The following PTPRN2 variants were observed in gnomAD, a reference collection of about 807,000 sequenced individuals.
The protein encoded by PTPRN2 is receptor-type tyrosine-protein phosphatase N2.
Under a neutral mutation model 118.8 loss-of-function variants are expected in PTPRN2, and 74 were observed. That is an observed-to-expected ratio of 0.62 (90% CI 0.52 to 0.76). The LOEUF is 0.76. PTPRN2 is among the 30% of genes least tolerant of loss of function. PTPRN2 has a pLI of 0.00. For missense variants in PTPRN2, 1,481 were observed against 1,394.4 expected, an observed-to-expected ratio of 1.06 and a Z score of -0.99; for synonymous variants, 641 against 608.0, an observed-to-expected ratio of 1.05 and a Z score of -0.80.
At chr7:158,154,676 G>A (rs1202478900) in intron 6 of PTPRN2, among the ~76,000 whole-genome samples, 1 of 152,136 alleles carries the variant, frequency 6.6e-6, no homozygotes, top group South Asian at 2.1e-4. Flanking sequence ...GAATAATAAA[G>A]TACAATTCCA....
At chr7:157,738,960 T>G (rs1445027861) in intron 12 of PTPRN2, 1 of 152,184 alleles carries the variant, frequency 6.6e-6, no homozygotes, top group African/African-American at 2.4e-5. Flanking sequence ...CCTGGAAGGA[T>G]TTGATTTTAA....
At chr7:158,156,096 G>A (rs1374398574) in intron 6 of PTPRN2, among the ~76,000 whole-genome samples, 1 of 152,176 alleles carries the variant, frequency 6.6e-6, no homozygotes, top group African/African-American at 2.4e-5. Flanking sequence ...CAGCTGAGTA[G>A]TGTGCATCTC....
chr7:157,850,642 C>T (rs1679726512), intron 12 of PTPRN2, among the ~76,000 whole-genome samples: 2 of 152,186 alleles, frequency 1.3e-5, no homozygotes, highest in Admixed American at 6.5e-5. Context: ...TGTTTTGAGG[C>T]CAGGGGGTGG....
intron 11 of PTPRN2, among the ~76,000 whole-genome samples, chr7:158,000,313 G>T (rs951236677): frequency 1.3e-5 from 2 of 152,094 alleles, no homozygotes; most frequent in Non-Finnish European, 2.9e-5. Context: ...AGGTTAAAGT[G>T]ATCACTTCAA....
intron 2 of PTPRN2, among the ~76,000 whole-genome samples, chr7:158,424,711 G>A (rs1178628463): frequency 6.6e-6 from 1 of 152,264 alleles, no homozygotes; most frequent in South Asian, 2.1e-4. Context: ...TGGCCCCAGT[G>A]GCCATGCATG....
intron 9 of PTPRN2, among the ~76,000 whole-genome samples, chr7:158,130,922 TAC>T (rs1818175013): frequency 7.0e-6 from 1 of 143,066 alleles, no homozygotes; most frequent in South Asian, 2.2e-4. Context: ...CACACACTCA[TAC>T]ACACACATGC....
At chr7:158,188,218 T>A (rs1247067156) in intron 5 of PTPRN2, among the ~76,000 whole-genome samples, 2 of 41,194 alleles carry the variant, frequency 4.9e-5, no homozygotes, top group Admixed American at 2.9e-4. Flanking sequence ...CGCCGCCTGA[T>A]GGGGAAGGCC....
intron 12 of PTPRN2, among the ~76,000 whole-genome samples, chr7:157,892,980 T>G (rs1371374624): frequency 6.6e-6 from 1 of 152,240 alleles, no homozygotes; most frequent in African/African-American, 2.4e-5. Context: ...ATGCTGGGCT[T>G]GAGGGCCCTC....
intron 12 of PTPRN2, among the ~76,000 whole-genome samples, chr7:157,748,029 TCC>T (rs1801119215): frequency 7.4e-6 from 1 of 136,036 alleles, no homozygotes; most frequent in African/African-American, 2.8e-5. Flanking sequence ...GAGGCCTGCG[TCC>T]CTGAGCTCTG....
intron 12 of PTPRN2, among the ~76,000 whole-genome samples, chr7:157,774,921 A>T (rs1384219690): frequency 6.6e-6 from 1 of 152,188 alleles, no homozygotes; most frequent in African/African-American, 2.4e-5. Flanking sequence ...GTCAAGGAAC[A>T]TGGTCTCTTC....
chr7:157,787,644 AC>A lies in PTPRN2; in HGVS notation c.1789-104708del, dbSNP rs757900028. ...GGACAAGGACATGCATTTCACACTG[AC>A]CGGGGCCTCCCTGGGACACCCTGAA... On this transcript the variant is annotated intron_variant, in intron 12 of 22. Transcript: ENST00000389418. This position sits in a 1 kb window ranked among gnomAD's most constrained non-coding sequence, Gnocchi z 5.3. Among the ~76,000 whole-genome samples, 6 of 152,006 alleles carry A rather than the reference AC, an allele frequency of 3.9e-5. No homozygotes were observed. The highest frequency in any genetic ancestry group is 8.8e-5 in the Non-Finnish European group (6 of 67,996).
chr7:158,188,228 C>T (rs918854393), intron 5 of PTPRN2, among the ~76,000 whole-genome samples: 4 of 89,130 alleles, frequency 4.5e-5, no homozygotes, highest in South Asian at 4.1e-4. Flanking sequence ...TGGGGAAGGC[C>T]GCCACGCTTG....
intron 16 of PTPRN2, among the ~76,000 whole-genome samples, chr7:157,597,440 A>C (rs966251518): frequency 1.3e-5 from 2 of 150,944 alleles, no homozygotes; most frequent in African/African-American, 2.4e-5. Context: ...ATAGTAATGC[A>C]TGAAAAGGAA....
At chr7:157,564,658 C>T (rs1469314543) in intron 21 of PTPRN2, among the ~76,000 whole-genome samples, 1 of 152,210 alleles carries the variant, frequency 6.6e-6, no homozygotes, top group African/African-American at 2.4e-5. Context: ...AGTTGATATA[C>T]AAATGGCCAA....
intron 17 of PTPRN2, among the ~76,000 whole-genome samples, chr7:157,581,113 GAGCACCTGGACACACC>G (rs1038346353): frequency 2.1e-5 from 2 of 95,438 alleles, no homozygotes; most frequent in African/African-American, 8.6e-5. Flanking sequence ...CTGCACACCC[GAGCACCTGGACACACC>G]AGCACCTGCA....
chr7:158,162,842 G>A (rs1357083272), intron 6 of PTPRN2, among the ~76,000 whole-genome samples: 2 of 152,170 alleles, frequency 1.3e-5, no homozygotes, highest in Non-Finnish European at 2.9e-5. Flanking sequence ...GCTTCTTTGG[G>A]AGCAGGTACG....
rs1168253869 is a variant in PTPRN2 at position 158,320,123 on chromosome 7, C to G, written c.164-3191G>C. 3.6e-5 allele frequency among the ~76,000 whole-genome samples: 3 copies of G among 82,796 alleles called. 1 individual carries two copies. The highest frequency in any genetic ancestry group is 7.7e-4 in the East Asian group (2 of 2,588). The allele number at this position is 82,796 out of a possible 152,430, so 54.3% of individuals were successfully genotyped here. A position where few individuals can be genotyped will look rare whatever the true frequency, so the allele number is the denominator to read the frequency against. ...TAGTCTCCCTCACACACACACACAGCCTCCCTCACACACACAGCCTCCCTT... is the reference window on the plus strand; with the variant it reads ...TAGTCTCCCTCACACACACACACAGGCTCCCTCACACACACAGCCTCCCTT... On this transcript the variant is annotated intron_variant, in intron 2 of 22. Coordinates refer to ENST00000389418, the MANE Select transcript of PTPRN2 (RefSeq NM_002847.5).
At chr7:157,982,978 TC>T (rs1266105031) in intron 11 of PTPRN2, among the ~76,000 whole-genome samples, 3 of 20,164 alleles carry the variant, frequency 1.5e-4, no homozygotes, top group Admixed American at 7.1e-4. Flanking sequence ...GAGTGCAGGG[TC>T]CCCCCCAAAC....
chr7:158,392,468 G>A (rs1393898033), intron 2 of PTPRN2, among the ~76,000 whole-genome samples: 1 of 152,198 alleles, frequency 6.6e-6, no homozygotes, highest in African/African-American at 2.4e-5. Flanking sequence ...AACCATCCTG[G>A]CATGGAGCAG....
Sources: gnomAD v4.1 joint callset for allele counts (sites outside exome capture counted in the v4.1 genomes callset) on GRCh38, gnomAD v4.1.1 for gene constraint, Gnocchi (gnomAD v3.1) non-coding constraint, MANE v1.5 for transcripts, NCBI Gene and HGNC (gene_info 2026-07-23, HGNC 2026-07-21) for gene names.